Variants in LAMB2 observed in about 807,000 individuals in gnomAD.
LAMB2 encodes laminin subunit beta 2.
In LAMB2, 119 loss-of-function variants were observed where a neutral mutation model predicts 202.7. The ratio of observed to expected loss-of-function variants is 0.59; its 90% CI spans 0.51 to 0.68. LAMB2 has a LOEUF of 0.68. Ranked by LOEUF, LAMB2 falls within the 30% of genes least tolerant of loss-of-function variation. LAMB2 has a pLI of 0.00. For synonymous variants in LAMB2, 818 were observed against 902.2 expected, an observed-to-expected ratio of 0.91 and a Z score of 1.67; for missense variants, 2,124 against 2,410.6, an observed-to-expected ratio of 0.88 and a Z score of 2.49.
rs2045461316 is a variant in LAMB2, at chr3:49,129,769, T to C, written c.1406-53A>G. The C allele has an allele frequency of 2.1e-5, 33 of 1,609,356 alleles. No homozygotes were observed. The South Asian group carries it at 3.6e-4, about 18-fold the overall frequency. ...TTGGGAAACTGTGGCAGTGCTCATG[T>C]TCAGCTGAGTCAGGAGTAAGAGGAC... On this transcript the variant is annotated intron_variant, in intron 10 of 31. Transcript: ENST00000305544. The surrounding 1 kb of genome is among the most constrained non-coding windows in gnomAD (Gnocchi z 6.1).
chr3:49,129,988 T>C lies in LAMB2; in HGVS notation c.1256A>G (p.Asp419Gly), dbSNP rs1320111026. Residue 419 changes from aspartate to glycine, a missense_variant, in exon 10 of 32, where the codon GAC becomes GGC. This residue lies in a region of LAMB2 where 1,702 missense variants were observed against 1,896.3 expected (regional missense o/e 0.90). Transcript: ENST00000305544. The surrounding 1 kb of genome is among the most constrained non-coding windows in gnomAD (Gnocchi z 6.1). ...SCDCDPMGSQ[D>G]GGRCDSHDDP... ...ATCATGGGAATCACAGCGACCACCG[T>C]CTTGAGAACCCATGGGGTCACAATC... The C allele has an allele frequency of 1.2e-6, 2 of 1,613,910 alleles. No individual in the cohort carries two copies. Among genetic ancestry groups the C allele is most frequent in the African/African-American group, 2.7e-5 (2 of 74,920 alleles).
At position 49,132,205 on chromosome 3, in the gene LAMB2, G is replaced by T; in HGVS notation, c.386-16C>A. On this transcript the variant is annotated splice_polypyrimidine_tract_variant and intron_variant, in intron 3 of 31. Coordinates refer to ENST00000305544, the MANE Select transcript of LAMB2 (RefSeq NM_002292.4). This position sits in a 1 kb window ranked among gnomAD's most constrained non-coding sequence, Gnocchi z 4.6. ...GCAGGGATACCTGGGACAGGAATCG[G>T]AAGTCAAGGACTCAAAGCTACTGGT... is the stretch of plus-strand genomic sequence containing the variant. 1 of 1,614,186 alleles carries T rather than the reference G, an allele frequency of 6.2e-7. No homozygotes were observed. Among genetic ancestry groups the T allele is most frequent in the Non-Finnish European group, 8.5e-7 (1 of 1,180,022 alleles).
In LAMB2 at chr3:49,132,672, A is replaced by G. The variant is rs563352159; in HGVS notation, c.77-9T>C. On this transcript the variant is annotated splice_polypyrimidine_tract_variant and intron_variant, in intron 1 of 31. Transcript: ENST00000305544. This position sits in a 1 kb window ranked among gnomAD's most constrained non-coding sequence, Gnocchi z 4.6. ...CAGTGTGGCAGCCAGCACTGGGGAC[A>G]GTAGCTCAGTCAGTTCCGCTGAGTT... 21 of 1,614,218 alleles carry G rather than the reference A, an allele frequency of 1.3e-5. No homozygotes were observed. The Admixed American group carries it at 2.2e-4, about 17-fold the overall frequency.
intron 15 of LAMB2, 24 bp downstream of exon 15, chr3:49,128,434 G>A (rs1023443261): frequency 3.1e-6 from 5 of 1,610,914 alleles, no homozygotes; most frequent in Middle Eastern, 1.7e-4. Flanking sequence ...CTGCCATTGT[G>A]AGTGCTACCA....
At position 49,123,419 on chromosome 3, in the gene LAMB2, C is replaced by T. The variant is rs373656745; in HGVS notation, c.3982+28G>A. The T allele has an allele frequency of 1.2e-6, 2 of 1,613,924 alleles. No homozygotes were observed. The highest frequency in any genetic ancestry group is 1.7e-6 in the Non-Finnish European group (2 of 1,180,048). Reference sequence around the variant, plus strand: ...CAGTCAGCTGAAGACTGACCCTGGTCCACCTGCCTAGTTGGCTAACAACTC... The same window carrying T: ...CAGTCAGCTGAAGACTGACCCTGGTTCACCTGCCTAGTTGGCTAACAACTC... On this transcript the variant is annotated intron_variant, in intron 25 of 31. Transcript: ENST00000305544.
In LAMB2 at chr3:49,130,906, C is replaced by T. The variant is rs1449530012; in HGVS notation, c.915+44G>A. 4.3e-6 allele frequency: 7 copies of T among 1,614,140 alleles called. No individual in the cohort carries two copies. Among genetic ancestry groups the T allele is most frequent in the Non-Finnish European group, 5.9e-6 (7 of 1,180,026 alleles). On this transcript the variant is annotated intron_variant, in intron 7 of 31. Coordinates refer to ENST00000305544, the MANE Select transcript of LAMB2 (RefSeq NM_002292.4). This position sits in a 1 kb window ranked among gnomAD's most constrained non-coding sequence, Gnocchi z 5.0. Reference sequence around the variant, plus strand: ...GTTGTCAGCACTGCTCAGCCATGTCCGCCCCTGCCCCTAGCCCTATCCCAA... The same window carrying T: ...GTTGTCAGCACTGCTCAGCCATGTCTGCCCCTGCCCCTAGCCCTATCCCAA...
chr3:49,126,064 G>A lies in LAMB2; in HGVS notation c.2247C>T (p.Cys749=). ...TGCTGGGCACCAGACCCTCCTCATG[G>A]CATTGGTAGCGTTCAAAGGTGGCCT... ...ERQATFERYQ[C]HEEGLVPSKT... is the part of the protein sequence containing the mutation. The change falls in exon 17 of 32, where the codon TGC becomes TGT. Residue 749 remains cysteine (C), a synonymous_variant. Coordinates refer to ENST00000305544, the MANE Select transcript of LAMB2 (RefSeq NM_002292.4). 1 of 1,614,112 alleles carries A rather than the reference G, an allele frequency of 6.2e-7. No homozygotes were observed. The highest frequency in any genetic ancestry group is 2.2e-5 in the East Asian group (1 of 44,880).
At chr3:49,121,900 C>T (rs2045282892) in intron 29 of LAMB2, 40 bp from the exon 30 acceptor site, 1 of 1,613,678 alleles carries the variant, frequency 6.2e-7, no homozygotes, top group African/African-American at 1.3e-5. Flanking sequence ...ATCTACGGTT[C>T]ATGCCCATAA....
Position 49,129,761 on chromosome 3 carries a change from T to C in LAMB2, c.1406-45A>G, listed in dbSNP as rs112508074. 6.2e-7 allele frequency: 1 copy of C among 1,609,714 alleles called. No individual in the cohort carries two copies. On this transcript the variant is annotated intron_variant, in intron 10 of 31. Transcript: ENST00000305544. The surrounding 1 kb of genome is among the most constrained non-coding windows in gnomAD (Gnocchi z 6.1). ...TCAGCACTTTGGGAAACTGTGGCAGTGCTCATGTTCAGCTGAGTCAGGAGT... is the reference window on the plus strand; with the variant it reads ...TCAGCACTTTGGGAAACTGTGGCAGCGCTCATGTTCAGCTGAGTCAGGAGT...
At position 49,130,699 on chromosome 3, in the gene LAMB2, C is replaced by A. The variant is rs1268999081; in HGVS notation, c.1036+41G>T. The A allele has an allele frequency of 6.2e-7, 1 of 1,612,322 alleles. No homozygotes were observed. The highest frequency in any genetic ancestry group is 1.7e-5 in the Admixed American group (1 of 60,024). ...AGGTTCTACCCAGGGCACAGCCAGGCTGCAGAGTGCTGGAGCTATGGAGGC... is the reference window on the plus strand; with the variant it reads ...AGGTTCTACCCAGGGCACAGCCAGGATGCAGAGTGCTGGAGCTATGGAGGC... On this transcript the variant is annotated intron_variant, in intron 8 of 31. Transcript: ENST00000305544. The surrounding 1 kb of genome is among the most constrained non-coding windows in gnomAD (Gnocchi z 5.0).
chr3:49,121,114 T>G lies in LAMB2; in HGVS notation c.*112A>C. 7.7e-5 allele frequency: 94 copies of G among 1,216,976 alleles called. No homozygotes were observed. Among genetic ancestry groups the G allele is most frequent in the Middle Eastern group, 2.8e-4 (1 of 3,602 alleles). 75.4% of individuals were successfully genotyped at this position (1,216,976 alleles called of 1,614,324 possible). A position where few individuals can be genotyped will look rare whatever the true frequency, so the allele number is the denominator to read the frequency against. ...CCAAATCAGAGTCCAGACAACACAG[T>G]GGGGGTTCACACTGGTTTATTGGGG... On this transcript the variant is annotated 3_prime_UTR_variant, in exon 32 of 32. Transcript: ENST00000305544.
At position 49,124,457 on chromosome 3, in the gene LAMB2, C is replaced by T. The variant is rs868697899; in HGVS notation, c.3265G>A (p.Gly1089Ser). The T allele has an allele frequency of 6.2e-7, 1 of 1,613,718 alleles. No homozygotes were observed. The highest frequency in any genetic ancestry group is 1.3e-5 in the African/African-American group (1 of 75,080). The change falls in exon 22 of 32, where the codon GGC (glycine) becomes AGC (serine). Residue 1089 changes from glycine to serine, a missense_variant. Physicochemically the swap from Gly to Ser is moderately conservative, Grantham distance 56. Transcript: ENST00000305544. ...CAPNFWNLTS[G>S]HGCQPCACHP... ...CAGGCACAAGGCTGGCAACCATGGC[C>T]ACTGGTGAGGTTCCAGAAGTTGGGG...
At position 49,132,523 on chromosome 3, in the gene LAMB2, G is replaced by C. The variant is rs1409779718; in HGVS notation, c.217C>G (p.Pro73Ala). The change falls in exon 2 of 32, where the codon CCC (proline) becomes GCC (alanine). Residue 73 changes from proline to alanine, a missense_variant. Around this residue, in one of 3 missense-constraint regions of LAMB2, gnomAD observed 166 missense variants for 158.2 expected, o/e 1.05. Coordinates refer to ENST00000305544, the MANE Select transcript of LAMB2 (RefSeq NM_002292.4). The surrounding 1 kb of genome is among the most constrained non-coding windows in gnomAD (Gnocchi z 4.6). ...TASSTCGLNGPQPYCIVSHLQ... is the reference protein window; with the variant it reads ...TASSTCGLNGAQPYCIVSHLQ... The stretch of plus-strand genomic sequence containing the variant: ...TGACTGACGATGCAGTAGGGCTGGG[G>C]GCCATTCAGGCCACAAGTGGATGAG... The C allele has an allele frequency of 6.2e-7, 1 of 1,613,630 alleles. No homozygotes were observed. The highest frequency in any genetic ancestry group is 1.3e-5 in the African/African-American group (1 of 74,948).
chr3:49,128,787 G>A lies in LAMB2; in HGVS notation c.1764C>T (p.Pro588=), dbSNP rs33942096. Residue 588 remains proline (P), a synonymous_variant, in exon 14 of 32, where the codon CCC becomes CCT. Coordinates refer to ENST00000305544, the MANE Select transcript of LAMB2 (RefSeq NM_002292.4). ...VLDVVERLVT[P]GETPSWTGSG... Reference sequence around the variant, plus strand: ...AGCCAGTCCAGGATGGAGTTTCCCCGGGGGTCACCAGGCGCTCCACCACAT... The same window carrying A: ...AGCCAGTCCAGGATGGAGTTTCCCCAGGGGTCACCAGGCGCTCCACCACAT... 35,829 of 1,613,746 alleles carry A rather than the reference G, an allele frequency of 0.022. 463 individuals are homozygous for A. The highest frequency in any genetic ancestry group is 0.027 in the Non-Finnish European group (31,280 of 1,179,766).
In LAMB2 at chr3:49,125,402, A is replaced by G; in HGVS notation, c.2571T>C (p.Phe857=). The G allele has an allele frequency of 6.2e-7, 1 of 1,614,048 alleles. No individual in the cohort carries two copies. The highest frequency in any genetic ancestry group is 1.7e-5 in the Admixed American group (1 of 60,028). The change falls in exon 19 of 32, where the codon TTT becomes TTC. Residue 857 remains phenylalanine (F), a synonymous_variant. Coordinates refer to ENST00000305544, the MANE Select transcript of LAMB2 (RefSeq NM_002292.4). The part of the protein sequence containing the change: ...SGQCLCRTGA[F]GLRCDRCQRG... ...GCTGGCAGCGGTCACAGCGAAGCCC[A>G]AAGGCACCAGTTCGACAGAGACATT...
Position 49,129,056 on chromosome 3 carries a change from G to A in LAMB2, c.1695C>T (p.Asp565=). ...VQPGYFRPFL[D]HLIWEAEDTR... is the part of the protein sequence containing the mutation. ...TGTCCTCAGCCTCCCAAATTAGGTG[G>A]TCCAGGAAGGGCCGGAAGTAGCCAG... The change falls in exon 13 of 32, where the codon GAC becomes GAT. Residue 565 remains aspartate (D), a synonymous_variant. Coordinates refer to ENST00000305544, the MANE Select transcript of LAMB2 (RefSeq NM_002292.4). This position sits in a 1 kb window ranked among gnomAD's most constrained non-coding sequence, Gnocchi z 6.1. 6.2e-7 allele frequency: 1 copy of A among 1,612,708 alleles called. No homozygotes were observed. The highest frequency in any genetic ancestry group is 8.5e-7 in the Non-Finnish European group (1 of 1,180,034).
In LAMB2 at chr3:49,124,800, T is replaced by G; in HGVS notation, c.3010A>C (p.Thr1004Pro). 1 of 1,614,176 alleles carries G rather than the reference T, an allele frequency of 6.2e-7. No individual in the cohort carries two copies. The highest frequency in any genetic ancestry group is 1.1e-5 in the South Asian group (1 of 91,090). ...PMDPDACDPHTGQCLRCLHHT... is the reference protein window; with the variant it reads ...PMDPDACDPHPGQCLRCLHHT... Reference sequence around the variant, plus strand: ...TGTAAACAGCGCAGGCATTGCCCCGTGTGGGGGTCACAGGCATCAGGATCC... The same window carrying G: ...TGTAAACAGCGCAGGCATTGCCCCGGGTGGGGGTCACAGGCATCAGGATCC... The change falls in exon 21 of 32, where the codon ACG (threonine) becomes CCG (proline). Residue 1004 changes from threonine (T) to proline (P), a missense_variant. Coordinates refer to ENST00000305544, the MANE Select transcript of LAMB2 (RefSeq NM_002292.4).
Position 49,123,780 on chromosome 3 carries a change from T to C in LAMB2, c.3745A>G (p.Asn1249Asp). 1.2e-6 allele frequency: 2 copies of C among 1,613,364 alleles called. No homozygotes were observed. Among genetic ancestry groups the C allele is most frequent in the South Asian group, 2.2e-5 (2 of 91,088 alleles). The stretch of plus-strand genomic sequence containing the variant: ...TGTGCAGTGGAGGCGGCTGAGGTGT[T>C]GCGGGCACCTACGATGCCCTGCACA... ...GIVQGIVGAR[N>D]TSAASTAQLV... is the part of the protein sequence containing the mutation. The change falls in exon 24 of 32, where the codon AAC becomes GAC. Residue 1249 changes from asparagine to aspartate, a missense_variant. Physicochemically the swap from Asn to Asp is conservative, Grantham distance 23 (BLOSUM62 1). Coordinates refer to ENST00000305544, the MANE Select transcript of LAMB2 (RefSeq NM_002292.4).
In LAMB2 at chr3:49,128,655, T is replaced by G; in HGVS notation, c.1890+6A>C. On this transcript the variant is annotated splice_donor_region_variant and intron_variant, in intron 14 of 31. Transcript: ENST00000305544. ...TTCAGCCCCAGATTAGATAACAGGG[T>G]CTAACCTGGGGCTCTAAGCGCAGCA... 1 of 1,614,052 alleles carries G rather than the reference T, an allele frequency of 6.2e-7. No homozygotes were observed. Among genetic ancestry groups the G allele is most frequent in the Non-Finnish European group, 8.5e-7 (1 of 1,180,002 alleles).
Sources: allele counts gnomAD v4.1 joint callset, GRCh38; gene constraint gnomAD v4.1.1; regional missense constraint gnomAD v4.1.1; non-coding constraint Gnocchi (gnomAD v3.1); transcripts MANE v1.5; gene names NCBI Gene and HGNC (gene_info 2026-07-23, HGNC 2026-07-21).